The following SCLT1 variants were observed in gnomAD, a reference collection of about 807,000 sequenced individuals.
SCLT1 encodes the protein sodium channel and clathrin linker 1.
SCLT1 carries 78 observed loss-of-function variants against 112.8 expected under a neutral mutation model. The observed-to-expected ratio is 0.69, with a 90% confidence interval of 0.58 to 0.83. SCLT1 has a LOEUF of 0.83. Ranked by LOEUF, SCLT1 falls within the 40% of genes least tolerant of loss-of-function variation. SCLT1 has a pLI of 0.00. For synonymous variants in SCLT1, 257 were observed against 254.7 expected, an observed-to-expected ratio of 1.01 and a Z score of -0.09; for missense variants, 747 against 770.4, an observed-to-expected ratio of 0.97 and a Z score of 0.36.
At chr4:129,027,057 C>A (rs1439047428) in intron 5 of SCLT1, among the ~76,000 whole-genome samples, 1 of 152,066 alleles carries the variant, frequency 6.6e-6, no homozygotes, top group Non-Finnish European at 1.5e-5. Context: ...TGGCAATAAT[C>A]AATAACTTAC....
At chr4:129,005,418 C>T (rs1032178803) in intron 5 of SCLT1, among the ~76,000 whole-genome samples, 1 of 152,138 alleles carries the variant, frequency 6.6e-6, no homozygotes, top group Non-Finnish European at 1.5e-5. Flanking sequence ...TGAAAAAATG[C>T]TCATCATCAC....
chr4:129,004,103 T>C (rs1367005226), intron 5 of SCLT1, among the ~76,000 whole-genome samples: 1 of 152,164 alleles, frequency 6.6e-6, no homozygotes, highest in Non-Finnish European at 1.5e-5. Context: ...CACAATTAAC[T>C]GAAGCATGAT....
At chr4:128,971,397 A>C (rs1439823364) in intron 9 of SCLT1, 2 of 152,188 alleles carry the variant, frequency 1.3e-5, no homozygotes, top group Non-Finnish European at 2.9e-5. Flanking sequence ...TATAGTTATA[A>C]ATTTCCTACA....
chr4:129,018,481 G>A, intron 5 of SCLT1, among the ~76,000 whole-genome samples: 1 of 152,174 alleles, frequency 6.6e-6, no homozygotes, highest in East Asian at 1.9e-4. Flanking sequence ...TATTTAATTA[G>A]AGGTAGGTAA....
intron 5 of SCLT1, chr4:128,873,640 A>T (rs1293899516): frequency 6.6e-6 from 1 of 152,440 alleles, no homozygotes; most frequent in Admixed American, 6.5e-5. Flanking sequence ...TGTGAATCAA[A>T]CTTAAGGAAG....
At chr4:128,920,865 T>A (rs1357547432) in intron 18 of SCLT1, among the ~76,000 whole-genome samples, 2 of 152,110 alleles carry the variant, frequency 1.3e-5, no homozygotes, top group Non-Finnish European at 2.9e-5. Flanking sequence ...AGAGAGGAAG[T>A]CAAACTATCT....
At chr4:128,965,129 T>C in intron 11 of SCLT1, 98 bp downstream of exon 11, 1 of 639,804 alleles carries the variant, frequency 1.6e-6, no homozygotes, top group South Asian at 2.1e-5. Context: ...ATTTGGAGTT[T>C]ATAAAATATT....
chr4:128,937,901 C>T (rs963736601), intron 17 of SCLT1, among the ~76,000 whole-genome samples: 4 of 152,072 alleles, frequency 2.6e-5, no homozygotes, highest in East Asian at 1.9e-4. Flanking sequence ...TAATGACTTG[C>T]GTTCTTTCAT....
chr4:128,889,009 T>G (rs1733105331), intron 19 of SCLT1, among the ~76,000 whole-genome samples: 1 of 152,222 alleles, frequency 6.6e-6, no homozygotes, highest in South Asian at 2.1e-4. Context: ...TTAACAAATC[T>G]CAAAGCAAAA....
At chr4:128,946,282 T>C (rs1426189732) in intron 15 of SCLT1, 130 bp from the exon 16 acceptor site, 1 of 484,408 alleles carries the variant, frequency 2.1e-6, no homozygotes, top group African/African-American at 2.0e-5. Context: ...CCGTAACATA[T>C]GAAACATATC....
intron 18 of SCLT1, among the ~76,000 whole-genome samples, chr4:128,912,562 C>T (rs530608379): frequency 6.6e-6 from 1 of 151,512 alleles, no homozygotes; most frequent in South Asian, 2.1e-4. Context: ...TATTTATGTT[C>T]TCCAAAAAGG....
At chr4:128,933,943 C>G (rs1445330642) in intron 18 of SCLT1, among the ~76,000 whole-genome samples, 1 of 151,806 alleles carries the variant, frequency 6.6e-6, no homozygotes, top group Non-Finnish European at 1.5e-5. Context: ...GGCTTTATCC[C>G]ACACAGTCTA....
At chr4:128,889,274 CT>C (rs1560803672) in intron 19 of SCLT1, among the ~76,000 whole-genome samples, 1 of 152,126 alleles carries the variant, frequency 6.6e-6, no homozygotes, top group African/African-American at 2.4e-5. Context: ...AAAGAGAGTC[CT>C]TGCTGATGAT....
At chr4:128,948,929 G>T (rs1445514595) in intron 14 of SCLT1, among the ~76,000 whole-genome samples, 1 of 152,054 alleles carries the variant, frequency 6.6e-6, no homozygotes, top group Non-Finnish European at 1.5e-5. Flanking sequence ...AAAACCCTCA[G>T]GGATAACCTA....
At chr4:129,066,131 T>C (rs570071670) in intron 2 of SCLT1, among the ~76,000 whole-genome samples, 9 of 152,172 alleles carry the variant, frequency 5.9e-5, no homozygotes, top group African/African-American at 1.9e-4. Flanking sequence ...TAAGACACAG[T>C]AATAAAATTC....
intron 17 of SCLT1, among the ~76,000 whole-genome samples, chr4:128,940,264 T>A (rs1046253013): frequency 6.6e-6 from 1 of 151,568 alleles, no homozygotes; most frequent in East Asian, 1.9e-4. Flanking sequence ...ACTGGAGTAC[T>A]AGATAGGGAA....
chr4:128,912,434 A>G (rs891093848), intron 18 of SCLT1, among the ~76,000 whole-genome samples: 1 of 152,290 alleles, frequency 6.6e-6, no homozygotes, highest in African/African-American at 2.4e-5. Context: ...TTTAACTTGA[A>G]AATTATAAAT....
intron 18 of SCLT1, among the ~76,000 whole-genome samples, chr4:128,927,783 T>A (rs1736415543): frequency 6.6e-6 from 1 of 151,406 alleles, no homozygotes; most frequent in African/African-American, 2.4e-5. Flanking sequence ...CAGAAAGTAA[T>A]AAAATTATGT....
chr4:128,889,562 C>T (rs1013283510), intron 19 of SCLT1, among the ~76,000 whole-genome samples: 4 of 152,140 alleles, frequency 2.6e-5, no homozygotes, highest in African/African-American at 9.7e-5. Context: ...AATTATTTTG[C>T]GTTGTTTAAG....
Sources: gnomAD v4.1 joint callset for allele counts (sites outside exome capture counted in the v4.1 genomes callset) on GRCh38, gnomAD v4.1.1 for gene constraint, MANE v1.5 for transcripts, NCBI Gene and HGNC (gene_info 2026-07-23, HGNC 2026-07-21) for gene names.